The following RCN3 variants were observed in gnomAD, a reference collection of about 807,000 sequenced individuals.
RCN3 encodes the protein reticulocalbin-3.
Under a neutral mutation model 35.9 loss-of-function variants are expected in RCN3, and 41 were observed. The observed-to-expected ratio is 1.14, with a 90% CI of 0.89 to 1.48. The LOEUF is 1.48. Ranked by LOEUF, RCN3 falls within the 40% of genes most tolerant of loss-of-function variation. The pLI, the probability that RCN3 is intolerant of heterozygous loss-of-function variation, is 0.00. For synonymous variants in RCN3, 187 were observed against 193.4 expected (o/e 0.97, Z 0.27); for missense variants, 451 against 471.3 (o/e 0.96, Z 0.40).
intron 4 of RCN3, among the ~76,000 whole-genome samples, chr19:49,538,788 T>G (rs79151397): frequency 6.6e-6 from 1 of 152,284 alleles, no homozygotes; most frequent in Non-Finnish European, 1.5e-5. Context: ...ATAAAGGAGC[T>G]TCTCCCCTTG....
intron 2 of RCN3, among the ~76,000 whole-genome samples, chr19:49,532,718 C>T (rs1450946418): frequency 6.6e-6 from 1 of 151,902 alleles, no homozygotes; most frequent in African/African-American, 2.4e-5. Flanking sequence ...CTCTGTTGCC[C>T]AGGCTGGAGT....
intron 2 of RCN3, among the ~76,000 whole-genome samples, chr19:49,532,385 T>G (rs958926566): frequency 3.3e-5 from 5 of 151,522 alleles, no homozygotes; most frequent in African/African-American, 1.2e-4. Flanking sequence ...TGTTTGTTTG[T>G]TTGTTTTTGA....
chr19:49,541,771 G>A (rs2122741715), intron 5 of RCN3, among the ~76,000 whole-genome samples: 1 of 147,278 alleles, frequency 6.8e-6, no homozygotes, highest in Admixed American at 6.8e-5. Context: ...CATGGGGTCA[G>A]GAGTTTGAGA....
intron 5 of RCN3, among the ~76,000 whole-genome samples, chr19:49,539,659 T>C (rs547744864): frequency 5.2e-4 from 79 of 151,630 alleles, no homozygotes; most frequent in African/African-American, 1.8e-3. Context: ...CCTGGGCCCC[T>C]GCCACTGTCC....
chr19:49,535,202 G>A (rs1181290295), intron 3 of RCN3, among the ~76,000 whole-genome samples: 1 of 152,066 alleles, frequency 6.6e-6, no homozygotes, highest in Non-Finnish European at 1.5e-5. Flanking sequence ...ATTTTCTGTG[G>A]TTTTCCTGAA....
intron 4 of RCN3, among the ~76,000 whole-genome samples, chr19:49,537,497 C>A (rs1048530697): frequency 3.3e-5 from 5 of 151,434 alleles, no homozygotes; most frequent in Non-Finnish European, 7.4e-5. Context: ...CCACCTTATA[C>A]AATTTCTTTT....
chr19:49,538,410 A>G (rs1228137175), intron 4 of RCN3, among the ~76,000 whole-genome samples: 13 of 144,624 alleles, frequency 9.0e-5, no homozygotes, highest in Admixed American at 6.3e-4. Context: ...CTCGTGATCC[A>G]CCCACCTCGG....
At position 49,542,590 on chromosome 19, in the gene RCN3, G is replaced by C. The variant is rs777433802; in HGVS notation, c.717G>C (p.Pro239=). ...CAGCCGAGCCTGGGGAGGAGGAGCCGGCGTGGGTGCAGACGGAGAGGCAGC... is the reference window on the plus strand; with the variant it reads ...CAGCCGAGCCTGGGGAGGAGGAGCCCGCGTGGGTGCAGACGGAGAGGCAGC... ...LYSAEPGEEE[P]AWVQTERQQF... is the part of the protein sequence containing the mutation. Residue 239 remains proline, a synonymous_variant, in exon 6 of 7, where the codon CCG becomes CCC. Transcript: ENST00000270645. The C allele has an allele frequency of 6.2e-7, 1 of 1,608,346 alleles. No homozygotes were observed. Among genetic ancestry groups the C allele is most frequent in the Non-Finnish European group, 8.5e-7 (1 of 1,177,908 alleles).
intron 4 of RCN3, among the ~76,000 whole-genome samples, chr19:49,537,432 T>C (rs555077008): frequency 7.2e-5 from 11 of 152,178 alleles, no homozygotes; most frequent in African/African-American, 9.6e-5. Flanking sequence ...TTCCCCTCCC[T>C]GTGCTCGCAT....
chr19:49,539,042 C>A, intron 4 of RCN3, 77 bp from the exon 5 acceptor site: 1 of 1,081,698 alleles, frequency 9.2e-7, no homozygotes, highest in Non-Finnish European at 1.3e-6. Context: ...GAACCTCTCA[C>A]TCTTACCCCA....
chr19:49,534,186 C>G lies in RCN3; in HGVS notation c.243-7C>G, dbSNP rs1465063831. The G allele has an allele frequency of 7.4e-6, 11 of 1,485,292 alleles. No homozygotes were observed. The highest frequency in any genetic ancestry group is 9.8e-6 in the Non-Finnish European group (11 of 1,123,700). 92.0% of individuals were successfully genotyped at this position (1,485,292 alleles called of 1,614,324 possible). A position where few individuals can be genotyped will look rare whatever the true frequency, so the allele number is the denominator to read the frequency against. Reference sequence around the variant, plus strand: ...AGAGCCTGACGTGTGCCCGCCCCGGCTTCTAGGCGGATCGTGGACCGCATG... The same window carrying G: ...AGAGCCTGACGTGTGCCCGCCCCGGGTTCTAGGCGGATCGTGGACCGCATG... On this transcript the variant is annotated splice_region_variant and splice_polypyrimidine_tract_variant and intron_variant, in intron 2 of 6. Transcript: ENST00000270645.
At chr19:49,537,864 C>T (rs2080144054) in intron 4 of RCN3, among the ~76,000 whole-genome samples, 1 of 151,038 alleles carries the variant, frequency 6.6e-6, no homozygotes, top group Admixed American at 6.6e-5. Flanking sequence ...GTCTTGAACT[C>T]CGGACCTCAG....
At position 49,543,269 on chromosome 19, in the gene RCN3, G is replaced by A. The variant is rs2080172752; in HGVS notation, c.*56G>A. 12 of 1,394,230 alleles carry A rather than the reference G, an allele frequency of 8.6e-6. No individual in the cohort carries two copies. The highest frequency in any genetic ancestry group is 1.2e-5 in the South Asian group (1 of 84,100). 86.4% of individuals were successfully genotyped at this position (1,394,230 alleles called of 1,614,324 possible). A position where few individuals can be genotyped will look rare whatever the true frequency, so the allele number is the denominator to read the frequency against. ...CCGCACAATGACCGGAGGAGGGGCC[G>A]CTGTGGTCTGGCCCCCTCCCTGTCC... is the stretch of plus-strand genomic sequence containing the variant. On this transcript the variant is annotated 3_prime_UTR_variant, in exon 7 of 7. Coordinates refer to ENST00000270645, the MANE Select transcript of RCN3 (RefSeq NM_020650.3).
At chr19:49,542,827 C>T in intron 6 of RCN3, 75 bp downstream of exon 6, 1 of 1,378,592 alleles carries the variant, frequency 7.3e-7, no homozygotes. Flanking sequence ...GGAGCAAGAC[C>T]TGGGCCTGGA....
intron 2 of RCN3, among the ~76,000 whole-genome samples, chr19:49,530,495 T>G (rs2080103351): frequency 1.4e-5 from 2 of 144,824 alleles, no homozygotes; most frequent in South Asian, 4.3e-4. Context: ...TTTCTTTTTT[T>G]TCTTTTTTTT....
At chr19:49,532,425 G>C (rs2080113151) in intron 2 of RCN3, among the ~76,000 whole-genome samples, 1 of 151,724 alleles carries the variant, frequency 6.6e-6, no homozygotes, top group African/African-American at 2.4e-5. Flanking sequence ...GCCCAGGCTG[G>C]AGTGCAGTGG....
intron 3 of RCN3, among the ~76,000 whole-genome samples, chr19:49,535,033 C>T (rs930375841): frequency 6.6e-6 from 1 of 152,104 alleles, no homozygotes; most frequent in African/African-American, 2.4e-5. Flanking sequence ...CCTCCCCGTC[C>T]AGTCTGTCCT....
chr19:49,533,742 G>A (rs942222652), intron 2 of RCN3, among the ~76,000 whole-genome samples: 2 of 152,040 alleles, frequency 1.3e-5, no homozygotes, highest in Non-Finnish European at 2.9e-5. Flanking sequence ...CTGAGACAGC[G>A]GGGGATCGGG....
intron 2 of RCN3, among the ~76,000 whole-genome samples, chr19:49,533,182 A>G (rs977820589): frequency 6.6e-6 from 1 of 152,226 alleles, no homozygotes; most frequent in Non-Finnish European, 1.5e-5. Context: ...GCGCTTAACA[A>G]CACCAGGAAC....
Sources: gnomAD v4.1 joint callset for allele counts (sites outside exome capture counted in the v4.1 genomes callset) on GRCh38, gnomAD v4.1.1 for gene constraint, MANE v1.5 for transcripts, NCBI Gene and HGNC (gene_info 2026-07-23, HGNC 2026-07-21) for gene names.